The following TMEM38B variants were observed in gnomAD, a reference collection of about 807,000 sequenced individuals.
The protein encoded by TMEM38B is transmembrane protein 38B.
A neutral mutation model predicts 28.7 loss-of-function variants in TMEM38B; 24 were observed. The observed-to-expected ratio is 0.84, with a 90% CI of 0.61 to 1.18. The LOEUF (loss-of-function observed/expected upper bound fraction) is 1.18. Ranked by LOEUF, TMEM38B falls within the 50% of genes most tolerant of loss-of-function variation. TMEM38B has a pLI of 0.00. For missense variants in TMEM38B, 380 were observed against 350.9 expected (o/e 1.08, Z -0.66); for synonymous variants, 131 against 127.7 (o/e 1.03, Z -0.17).
At chr9:105,747,422 AT>A (rs1470691564) in intron 4 of TMEM38B, among the ~76,000 whole-genome samples, 1 of 151,872 alleles carries the variant, frequency 6.6e-6, no homozygotes, top group African/African-American at 2.4e-5. Flanking sequence ...CGGTGGTGAT[AT>A]CCCCTTTATC....
intron 2 of TMEM38B, among the ~76,000 whole-genome samples, chr9:105,721,176 G>A (rs1446382810): frequency 6.6e-6 from 1 of 152,126 alleles, no homozygotes; most frequent in Non-Finnish European, 1.5e-5. Flanking sequence ...CTGTGTAGGA[G>A]TTCCTACCCC....
chr9:105,758,600 G>A, intron 5 of TMEM38B: 1 of 966,080 alleles, frequency 1.0e-6, no homozygotes, highest in East Asian at 2.4e-5. Context: ...AAGGCAGGTG[G>A]GGATCAGAAA....
chr9:105,758,856 A>T, intron 5 of TMEM38B: 1 of 983,884 alleles, frequency 1.0e-6, no homozygotes, highest in South Asian at 1.3e-5. Context: ...TGCAGTTGAT[A>T]ATAGAAAACT....
intron 5 of TMEM38B, among the ~76,000 whole-genome samples, chr9:105,772,397 C>CTTCT (rs1826579873): frequency 6.6e-6 from 1 of 152,174 alleles, no homozygotes; most frequent in Non-Finnish European, 1.5e-5. Flanking sequence ...CCCCCCTGGA[C>CTTCT]TTCTGCTTTC....
chr9:105,766,723 A>G (rs1257014545), intron 5 of TMEM38B, among the ~76,000 whole-genome samples: 1 of 150,636 alleles, frequency 6.6e-6, no homozygotes, highest in Non-Finnish European at 1.5e-5. Context: ...AAGTTTTATA[A>G]TTTTTGCTTT....
At chr9:105,700,166 A>G (rs191606685) in intron 1 of TMEM38B, among the ~76,000 whole-genome samples, 1 of 152,340 alleles carries the variant, frequency 6.6e-6, no homozygotes. Context: ...AATTAATTTT[A>G]GCAAATATTC....
chr9:105,760,056 T>C, intron 5 of TMEM38B: 1 of 1,182,434 alleles, frequency 8.5e-7, no homozygotes, highest in Non-Finnish European at 1.2e-6. Context: ...TTCCAGCTTC[T>C]TCTGTGTTGA....
At chr9:105,729,821 G>A (rs898218377) in intron 4 of TMEM38B, among the ~76,000 whole-genome samples, 1 of 151,978 alleles carries the variant, frequency 6.6e-6, no homozygotes, top group Non-Finnish European at 1.5e-5. Flanking sequence ...GGATTCCTAG[G>A]TATTTTATTC....
chr9:105,760,040 C>G (rs552228151), intron 5 of TMEM38B: 1 of 1,298,050 alleles, frequency 7.7e-7, no homozygotes, highest in African/African-American at 1.5e-5. Flanking sequence ...TCAGAAAATT[C>G]TTTACTTCCA....
chr9:105,701,335 G>A (rs1276484053), intron 1 of TMEM38B: 2 of 152,186 alleles, frequency 1.3e-5, no homozygotes, highest in East Asian at 1.9e-4. Context: ...CATCAGTGCA[G>A]CAGATCAGTG....
intron 3 of TMEM38B, 37 bp from the exon 4 acceptor site, chr9:105,722,497 T>G: frequency 6.5e-7 from 1 of 1,539,048 alleles, no homozygotes; most frequent in East Asian, 2.3e-5. Context: ...ACAGGAAAAT[T>G]TGGCCAAATA....
At chr9:105,704,494 G>GT (rs1835579303) in intron 1 of TMEM38B, among the ~76,000 whole-genome samples, 2 of 151,970 alleles carry the variant, frequency 1.3e-5, no homozygotes, top group South Asian at 4.2e-4. Context: ...TTTTTTGGGT[G>GT]TTTTTTTGAC....
At chr9:105,711,761 A>C (rs1835911706) in intron 2 of TMEM38B, among the ~76,000 whole-genome samples, 2 of 151,182 alleles carry the variant, frequency 1.3e-5, no homozygotes. Flanking sequence ...TCGAGGCTGC[A>C]GTGAGCTGTG....
chr9:105,709,732 A>G (rs1331559768), intron 2 of TMEM38B, among the ~76,000 whole-genome samples: 2 of 152,248 alleles, frequency 1.3e-5, no homozygotes, highest in Non-Finnish European at 2.9e-5. Flanking sequence ...TGTAAACTGC[A>G]TGTGGTGTAC....
At chr9:105,727,612 T>C (rs550130157) in intron 4 of TMEM38B, among the ~76,000 whole-genome samples, 2 of 152,170 alleles carry the variant, frequency 1.3e-5, no homozygotes, top group Admixed American at 1.3e-4. Context: ...TCCAAAAGTT[T>C]AGTATTTTAG....
intron 2 of TMEM38B, among the ~76,000 whole-genome samples, chr9:105,720,014 A>G (rs1286779931): frequency 6.6e-6 from 1 of 152,110 alleles, no homozygotes; most frequent in African/African-American, 2.4e-5. Flanking sequence ...CAGACTTTCA[A>G]ATTTTCTATG....
rs182428264 is a variant in TMEM38B, at chr9:105,750,893, C to T, written c.660+2703C>T. The stretch of plus-strand genomic sequence containing the variant: ...TCTGAGCACTATTTATTGTAAAAAC[C>T]GTTCTTTTCCTTTGTGAATTGCCTT... On this transcript the variant is annotated intron_variant, in intron 5 of 5. Coordinates refer to ENST00000374692, the MANE Select transcript of TMEM38B (RefSeq NM_018112.3). 4.3e-4 allele frequency among the ~76,000 whole-genome samples: 65 copies of T among 152,246 alleles called. 1 individual carries two copies. The South Asian group carries it at 4.6e-3, about 11-fold the overall frequency.
At chr9:105,715,515 T>G (rs1836064695) in intron 2 of TMEM38B, among the ~76,000 whole-genome samples, 1 of 152,126 alleles carries the variant, frequency 6.6e-6, no homozygotes, top group Non-Finnish European at 1.5e-5. Flanking sequence ...TTAAGAACTC[T>G]TATTATTGGT....
chr9:105,710,790 C>A, intron 2 of TMEM38B: 1 of 488,482 alleles, frequency 2.0e-6, no homozygotes, highest in Non-Finnish European at 4.0e-6. Context: ...ATGAAGGCTG[C>A]GTGTCTCCAC....
Sources: allele counts gnomAD v4.1 joint callset (sites outside exome capture counted in the v4.1 genomes callset), GRCh38; gene constraint gnomAD v4.1.1; transcripts MANE v1.5; gene names NCBI Gene and HGNC (gene_info 2026-07-23, HGNC 2026-07-21).